The following GNA13 variants were observed in gnomAD, a reference collection of about 807,000 sequenced individuals.
GNA13 encodes G protein subunit alpha 13.
GNA13 carries 4 observed loss-of-function variants against 33.5 expected under a neutral mutation model. The observed-to-expected ratio is 0.12, with a 90% CI of 0.06 to 0.27. The LOEUF is 0.27. Ranked by LOEUF, GNA13 falls within the 10% of genes least tolerant of loss-of-function variation. The pLI is 1.00. For missense variants in GNA13, 319 were observed against 487.2 expected (o/e 0.65, Z 3.25); for synonymous variants, 176 against 183.8 (o/e 0.96, Z 0.34).
At chr17:65,029,958 G>A (rs115451546) in intron 2 of GNA13, among the ~76,000 whole-genome samples, 478 of 152,052 alleles carry the variant, frequency 3.1e-3, no homozygotes, top group African/African-American at 0.011. Flanking sequence ...CAACTCAAAT[G>A]TACATGGCAA....
chr17:65,021,313 C>G (rs767841332), intron 2 of GNA13, among the ~76,000 whole-genome samples: 5 of 152,164 alleles, frequency 3.3e-5, no homozygotes, highest in African/African-American at 1.2e-4. Context: ...ATATTTCTTA[C>G]GAGTTTTACA....
intron 1 of GNA13, 72 bp downstream of exon 1, chr17:65,056,239 G>GCCCGGCCCCCCCCCCCCCCCCC: frequency 1.1e-5 from 10 of 936,166 alleles, no homozygotes; most frequent in Non-Finnish European, 1.1e-5. Context: ...CCAGGGCGGT[G>GCCCGGCCCCCCCCCCCCCCCCC]CCCCGCCCCG....
At chr17:65,016,712 A>G (rs1334160080) in intron 3 of GNA13, among the ~76,000 whole-genome samples, 1 of 152,240 alleles carries the variant, frequency 6.6e-6, no homozygotes, top group Non-Finnish European at 1.5e-5. Flanking sequence ...CTGGCAACCA[A>G]CAGCCATTCA....
At position 65,009,393 on chromosome 17, in the gene GNA13, G is replaced by C. The variant is rs1487313656; in HGVS notation, c.*4864C>G. On this transcript the variant is annotated 3_prime_UTR_variant, in exon 4 of 4. Transcript: ENST00000439174. ...AAAATATGTACAAAAGTAAAAAGCT[G>C]TAATGAACTAGCAACTCATTTTATA... Among the ~76,000 whole-genome samples, 1 of 152,170 alleles carries C rather than the reference G, an allele frequency of 6.6e-6. No homozygotes were observed. The highest frequency in any genetic ancestry group is 1.5e-5 in the Non-Finnish European group (1 of 68,014).
chr17:65,018,742 A>G (rs1231149286), intron 2 of GNA13, among the ~76,000 whole-genome samples: 1 of 152,168 alleles, frequency 6.6e-6, no homozygotes, highest in Non-Finnish European at 1.5e-5. Flanking sequence ...ACCAGAGATG[A>G]GGTAAGAATA....
At chr17:65,054,785 A>T (rs1018312216) in intron 1 of GNA13, among the ~76,000 whole-genome samples, 3 of 152,238 alleles carry the variant, frequency 2.0e-5, no homozygotes, top group African/African-American at 7.2e-5. Flanking sequence ...CTATTCATTA[A>T]CATAATTCCT....
intron 2 of GNA13, among the ~76,000 whole-genome samples, chr17:65,022,558 A>G (rs1434839247): frequency 6.6e-6 from 1 of 152,248 alleles, no homozygotes; most frequent in African/African-American, 2.4e-5. Context: ...CTATGCTAGA[A>G]GAATACAATG....
intron 3 of GNA13, 24 bp downstream of exon 3, chr17:65,018,227 CAT>C: frequency 8.0e-7 from 1 of 1,244,084 alleles, no homozygotes; most frequent in East Asian, 2.8e-5. Flanking sequence ...TGGCACTAAA[CAT>C]AAACATTTGG....
chr17:65,056,609 G>A lies in GNA13; in HGVS notation c.-16C>T, dbSNP rs565574263. 200 of 1,596,126 alleles carry A rather than the reference G, an allele frequency of 1.3e-4. 6 individuals carry two copies. The South Asian group carries it at 2.2e-3, about 17-fold the overall frequency. On this transcript the variant is annotated 5_prime_UTR_variant, in exon 1 of 4. Coordinates refer to ENST00000439174, the MANE Select transcript of GNA13 (RefSeq NM_006572.6). ...AGTCCGCCATCTTGCCGCCGCCGCC[G>A]CCGCCTCGGCGGGCCCCTCCGGCTC...
intron 2 of GNA13, among the ~76,000 whole-genome samples, chr17:65,025,746 A>G (rs1598483915): frequency 6.6e-6 from 1 of 151,456 alleles, no homozygotes; most frequent in East Asian, 1.9e-4. Flanking sequence ...TTGGGAGGCT[A>G]AAGAGCAAGG....
At chr17:65,018,092 T>TTA (rs1906437129) in intron 3 of GNA13, among the ~76,000 whole-genome samples, 161 bp downstream of exon 3, 1 of 21,474 alleles carries the variant, frequency 4.7e-5, no homozygotes, top group African/African-American at 1.4e-4. Flanking sequence ...ACGCCACCAC[T>TTA]AAAAAAAAAA....
At chr17:65,050,815 G>T (rs1907834616) in intron 2 of GNA13, among the ~76,000 whole-genome samples, 1 of 152,174 alleles carries the variant, frequency 6.6e-6, no homozygotes, top group Non-Finnish European at 1.5e-5. Context: ...TTAAAATTAG[G>T]TCTTGCTCTG....
At chr17:65,048,906 C>T (rs1030459672) in intron 2 of GNA13, among the ~76,000 whole-genome samples, 3 of 152,102 alleles carry the variant, frequency 2.0e-5, no homozygotes, top group Non-Finnish European at 4.4e-5. Flanking sequence ...ATCTGCTAAC[C>T]TCTATTTCTT....
chr17:65,030,797 G>A (rs1906973663), intron 2 of GNA13, among the ~76,000 whole-genome samples: 1 of 152,144 alleles, frequency 6.6e-6, no homozygotes, highest in Admixed American at 6.5e-5. Flanking sequence ...AGGACTTTTT[G>A]AGCCCAGGAG....
chr17:65,030,450 T>C (rs1201762461), intron 2 of GNA13, among the ~76,000 whole-genome samples: 1 of 152,240 alleles, frequency 6.6e-6, no homozygotes, highest in African/African-American at 2.4e-5. Context: ...CAAATTCTGA[T>C]AATGAGAATG....
At position 65,018,287 on chromosome 17, in the gene GNA13, T is replaced by G; in HGVS notation, c.527A>C (p.Tyr176Ser). ...AAGTTTATCCAAGTTATCCAGGAAA[T>G]ATTTTACAGATTCACCCTAAAAACA... is the stretch of plus-strand genomic sequence containing the variant. ...REFQLGESVK[Y>S]FLDNLDKLGE... The change falls in exon 3 of 4, where the codon TAT (tyrosine) becomes TCT (serine). Residue 176 changes from tyrosine (Y) to serine (S), a missense_variant. By Grantham distance (144) the Tyr-to-Ser change is moderately radical. This residue lies in a region of GNA13 where 136 missense variants were observed against 159.3 expected (regional missense o/e 0.85). Coordinates refer to ENST00000439174, the MANE Select transcript of GNA13 (RefSeq NM_006572.6). The G allele has an allele frequency of 6.6e-7, 1 of 1,512,788 alleles. No individual in the cohort carries two copies. The highest frequency in any genetic ancestry group is 9.2e-7 in the Non-Finnish European group (1 of 1,087,862). The allele number at this position is 1,512,788 out of a possible 1,614,324, so 93.7% of individuals were successfully genotyped here. A position where few individuals can be genotyped will look rare whatever the true frequency, so the allele number is the denominator to read the frequency against.
chr17:65,036,229 A>C (rs1907240610), intron 2 of GNA13, among the ~76,000 whole-genome samples: 1 of 152,220 alleles, frequency 6.6e-6, no homozygotes, highest in Non-Finnish European at 1.5e-5. Context: ...CCAACCTGTA[A>C]ATATTTTCAA....
chr17:65,042,550 A>G (rs1907497786), intron 2 of GNA13, among the ~76,000 whole-genome samples: 1 of 152,054 alleles, frequency 6.6e-6, no homozygotes, highest in Non-Finnish European at 1.5e-5. Context: ...CAGCATGGCC[A>G]ACACGGTGAA....
At position 65,041,511 on chromosome 17, in the gene GNA13, AT is replaced by A. The variant is rs536758623; in HGVS notation, c.510+11990del. The stretch of plus-strand genomic sequence containing the variant: ...AAAAACATGGAATCTAAAAAAAAAA[AT>A]ATATATGTATTTTGTGAACATATGA... On this transcript the variant is annotated intron_variant, in intron 2 of 3. Coordinates refer to ENST00000439174, the MANE Select transcript of GNA13 (RefSeq NM_006572.6). 5.0e-3 allele frequency among the ~76,000 whole-genome samples: 756 copies of A among 151,230 alleles called. 7 individuals are homozygous for A. Among genetic ancestry groups the A allele is most frequent in the African/African-American group, 0.017 (704 of 40,564 alleles).
Sources: gnomAD v4.1 joint callset for allele counts (sites outside exome capture counted in the v4.1 genomes callset) on GRCh38, gnomAD v4.1.1 for gene constraint, gnomAD v4.1.1 regional missense constraint, MANE v1.5 for transcripts, NCBI Gene and HGNC (gene_info 2026-07-23, HGNC 2026-07-21) for gene names.